The following PPP2R3A variants were observed in gnomAD, a reference collection of about 807,000 sequenced individuals.
PPP2R3A encodes the protein serine/threonine-protein phosphatase 2A regulatory subunit B'' subunit alpha.
A neutral mutation model predicts 106.9 loss-of-function variants in PPP2R3A; 80 were observed. The observed-to-expected ratio is 0.75, with a 90% CI of 0.62 to 0.90. The LOEUF (loss-of-function observed/expected upper bound fraction) is 0.90, where lower values mean the gene tolerates loss of function less well. Ranked by LOEUF, PPP2R3A falls within the 40% of genes least tolerant of loss-of-function variation. PPP2R3A has a pLI of 0.00. For missense variants in PPP2R3A, 1,386 were observed against 1,350.4 expected (o/e 1.03, Z -0.41); for synonymous variants, 483 against 468.3 (o/e 1.03, Z -0.41).
At chr3:136,005,146 C>T (rs577963734) in intron 2 of PPP2R3A, among the ~76,000 whole-genome samples, 2 of 152,252 alleles carry the variant, frequency 1.3e-5, no homozygotes, top group South Asian at 2.1e-4. Flanking sequence ...ACAGTCAAAA[C>T]GCTATCAAAA....
chr3:136,069,066 T>C (rs1342091343), intron 5 of PPP2R3A, among the ~76,000 whole-genome samples: 1 of 152,096 alleles, frequency 6.6e-6, no homozygotes, highest in Non-Finnish European at 1.5e-5. Flanking sequence ...AAGAGACCAG[T>C]GAGACACAAA....
chr3:135,976,291 C>G (rs79127378), intron 1 of PPP2R3A, among the ~76,000 whole-genome samples: 2,473 of 152,260 alleles, frequency 0.016, 70 homozygotes, highest in African/African-American at 0.057. Flanking sequence ...CTTTCTTCAT[C>G]CCTTCATGTG....
chr3:136,061,643 G>A (rs1027024426), intron 5 of PPP2R3A, among the ~76,000 whole-genome samples: 5 of 148,896 alleles, frequency 3.4e-5, no homozygotes, highest in Non-Finnish European at 5.9e-5. Context: ...AAGCGAGGCC[G>A]GGCACAGTGG....
intron 2 of PPP2R3A, among the ~76,000 whole-genome samples, chr3:136,020,204 C>T (rs965200872): frequency 6.6e-6 from 1 of 151,920 alleles, no homozygotes; most frequent in African/African-American, 2.4e-5. Context: ...CAGTAGAAGC[C>T]CTTTTACCTG....
At chr3:135,994,806 A>G (rs1186669504) in intron 1 of PPP2R3A, among the ~76,000 whole-genome samples, 1 of 152,140 alleles carries the variant, frequency 6.6e-6, no homozygotes, top group Non-Finnish European at 1.5e-5. Context: ...CTGTGCCTTC[A>G]TAGAATTCCT....
chr3:136,080,852 T>C (rs1410905486), intron 7 of PPP2R3A, among the ~76,000 whole-genome samples: 1 of 152,240 alleles, frequency 6.6e-6, no homozygotes. Flanking sequence ...AGATTTACCA[T>C]AACTTAATAA....
At chr3:136,114,766 A>G (rs1033931125) in intron 13 of PPP2R3A, among the ~76,000 whole-genome samples, 3 of 152,178 alleles carry the variant, frequency 2.0e-5, no homozygotes, top group African/African-American at 7.2e-5. Flanking sequence ...TCTGGAAAAA[A>G]AGGCAGCAAC....
At chr3:136,079,406 A>AT (rs199806582) in intron 7 of PPP2R3A, 5,408 of 156,872 alleles carry the variant, frequency 0.034, 54 homozygotes, top group South Asian at 0.11. Flanking sequence ...ATAATCCATA[A>AT]TTTTTTTTTT....
At chr3:136,009,743 T>C (rs1212623093) in intron 2 of PPP2R3A, among the ~76,000 whole-genome samples, 1 of 152,168 alleles carries the variant, frequency 6.6e-6, no homozygotes, top group South Asian at 2.1e-4. Flanking sequence ...GATGCATGAT[T>C]ATGCTTGAGA....
At chr3:135,999,123 A>G (rs1933517247) in intron 1 of PPP2R3A, among the ~76,000 whole-genome samples, 5 of 152,232 alleles carry the variant, frequency 3.3e-5, no homozygotes, top group Admixed American at 3.3e-4. Flanking sequence ...TCCCAGGGTC[A>G]GGCACAGAGT....
Position 135,986,144 on chromosome 3 carries a change from A to G in PPP2R3A, c.-440-14915A>G, listed in dbSNP as rs924819910. Among the ~76,000 whole-genome samples the G allele has an allele frequency of 1.2e-4, 19 of 152,256 alleles. 1 individual carries two copies. Among genetic ancestry groups the G allele is most frequent in the African/African-American group, 4.6e-4 (19 of 41,558 alleles). On this transcript the variant is annotated intron_variant, in intron 1 of 13. Coordinates refer to ENST00000264977, the MANE Select transcript of PPP2R3A (RefSeq NM_002718.5). The stretch of plus-strand genomic sequence containing the variant: ...GGGATACAGGGAAAGCAGCGTTCTC[A>G]GGGGAGAGTTCAGTTTCCATTTAAA...
intron 2 of PPP2R3A, among the ~76,000 whole-genome samples, chr3:136,015,448 C>CT (rs1170475046): frequency 9.3e-5 from 14 of 150,452 alleles, no homozygotes; most frequent in Middle Eastern, 3.4e-3. Context: ...TGGTCCTGGA[C>CT]TTTTTTTTGT....
chr3:136,034,833 C>T (rs1228172466), intron 3 of PPP2R3A, among the ~76,000 whole-genome samples: 4 of 152,120 alleles, frequency 2.6e-5, no homozygotes, highest in Non-Finnish European at 5.9e-5. Context: ...AAGTCCCCCA[C>T]TCTTGTTGTG....
At chr3:136,037,319 G>A (rs914943114) in intron 3 of PPP2R3A, among the ~76,000 whole-genome samples, 3 of 152,174 alleles carry the variant, frequency 2.0e-5, no homozygotes, top group African/African-American at 4.8e-5. Context: ...TTTTTCCACA[G>A]CTTTAAGTAA....
chr3:136,010,360 C>T (rs1162576570), intron 2 of PPP2R3A, among the ~76,000 whole-genome samples: 1 of 147,676 alleles, frequency 6.8e-6, no homozygotes, highest in Non-Finnish European at 1.5e-5. Context: ...CCTCGATTCT[C>T]CTGCCTCAGC....
chr3:136,056,361 AT>A (rs1395552320), intron 5 of PPP2R3A, among the ~76,000 whole-genome samples: 5 of 152,198 alleles, frequency 3.3e-5, no homozygotes, highest in African/African-American at 1.2e-4. Context: ...TATCAGTTTA[AT>A]TTTAACAAGT....
chr3:136,054,694 A>G (rs1259138037), intron 5 of PPP2R3A, among the ~76,000 whole-genome samples: 2 of 152,242 alleles, frequency 1.3e-5, no homozygotes, highest in South Asian at 2.1e-4. Context: ...AGGTAAAGGC[A>G]TCATCAGTCA....
At chr3:136,009,320 A>G (rs1933963260) in intron 2 of PPP2R3A, among the ~76,000 whole-genome samples, 1 of 151,900 alleles carries the variant, frequency 6.6e-6, no homozygotes. Context: ...CCCCGCCCCA[A>G]CTTTGAACTA....
At chr3:136,137,434 A>G (rs970306682) in intron 13 of PPP2R3A, among the ~76,000 whole-genome samples, 2 of 149,190 alleles carry the variant, frequency 1.3e-5, no homozygotes, top group African/African-American at 5.0e-5. Context: ...CCATTTCCCT[A>G]TTATTGGACA....
Sources: gnomAD v4.1 joint callset for allele counts (sites outside exome capture counted in the v4.1 genomes callset) on GRCh38, gnomAD v4.1.1 for gene constraint, MANE v1.5 for transcripts, NCBI Gene and HGNC (gene_info 2026-07-23, HGNC 2026-07-21) for gene names.